The following MAP2K5 variants were observed in gnomAD, a reference collection of about 807,000 sequenced individuals.
The protein encoded by MAP2K5 is mitogen-activated protein kinase kinase 5.
In MAP2K5, 49 loss-of-function variants were observed where a neutral mutation model predicts 83.1. The ratio of observed to expected loss-of-function variants is 0.59; its 90% confidence interval spans 0.47 to 0.75. The LOEUF (loss-of-function observed/expected upper bound fraction) is 0.75. Among genes scored for constraint, MAP2K5 ranks in the 30% least tolerant of loss-of-function variants. MAP2K5 has a pLI of 0.00. For missense variants in MAP2K5, 457 were observed against 557.5 expected, an observed-to-expected ratio of 0.82 and a Z score of 1.82; for synonymous variants, 202 against 191.8, an observed-to-expected ratio of 1.05 and a Z score of -0.44.
chr15:67,621,619 C>T (rs960125469), intron 8 of MAP2K5, among the ~76,000 whole-genome samples: 7 of 151,946 alleles, frequency 4.6e-5, no homozygotes, highest in African/African-American at 1.7e-4. Flanking sequence ...TAATAGGATC[C>T]AGTGAATAAC....
In MAP2K5 at chr15:67,748,741, G is replaced by A. The variant is rs1753295221; in HGVS notation, c.1134+140G>A. On this transcript the variant is annotated intron_variant, in intron 19 of 21. Coordinates refer to ENST00000178640, the MANE Select transcript of MAP2K5 (RefSeq NM_145160.3). The surrounding 1 kb of genome is among the most constrained non-coding windows in gnomAD (Gnocchi z 4.0). The stretch of plus-strand genomic sequence containing the variant: ...TGTATGGCTCTGAGCTATGTTACGT[G>A]AACTGGCCTTGTCCTGAATCCCACT... The A allele has an allele frequency of 8.6e-6, 6 of 696,914 alleles. No homozygotes were observed. Among genetic ancestry groups the A allele is most frequent in the Non-Finnish European group, 1.4e-5 (6 of 417,644 alleles). The allele number at this position is 696,914 out of a possible 1,614,324, so 43.2% of individuals were successfully genotyped here.
Position 67,644,942 on chromosome 15 carries a change from G to T in MAP2K5, c.586-1289G>T, listed in dbSNP as rs2086796689. On this transcript the variant is annotated intron_variant, in intron 9 of 21. Transcript: ENST00000178640. This position sits in a 1 kb window ranked among gnomAD's most constrained non-coding sequence, Gnocchi z 4.6. ...GGTGAGCGGATCATTGAGGTCAGGA[G>T]TTCAAGACCAGCCTGGCCAACATGG... Among the ~76,000 whole-genome samples the T allele has an allele frequency of 6.6e-6, 1 of 151,996 alleles. No homozygotes were observed. Among genetic ancestry groups the T allele is most frequent in the Non-Finnish European group, 1.5e-5 (1 of 67,998 alleles).
rs753264118 is a variant in MAP2K5, at chr15:67,778,314, C to T, written c.1242+5562C>T. Among the ~76,000 whole-genome samples, 24 of 152,176 alleles carry T rather than the reference C, an allele frequency of 1.6e-4. No homozygotes were observed. Among genetic ancestry groups the T allele is most frequent in the South Asian group, 4.1e-4 (2 of 4,830 alleles). On this transcript the variant is annotated intron_variant, in intron 21 of 21. Transcript: ENST00000178640. This position sits in a 1 kb window ranked among gnomAD's most constrained non-coding sequence, Gnocchi z 5.0. ...AGGTATATGATAAATTGCACATCTG[C>T]GTGGTCCCTTTAAAAATCAGGGTAA...
At chr15:67,697,406 A>T (rs2088293610) in intron 15 of MAP2K5, among the ~76,000 whole-genome samples, 1 of 152,238 alleles carries the variant, frequency 6.6e-6, no homozygotes, top group Non-Finnish European at 1.5e-5. Context: ...TAAGTGACTT[A>T]CCCAAGTTCA....
chr15:67,569,332 C>T (rs555409903), intron 3 of MAP2K5, among the ~76,000 whole-genome samples: 2 of 152,272 alleles, frequency 1.3e-5, no homozygotes, highest in East Asian at 3.9e-4. Flanking sequence ...TTTATCCAAA[C>T]AACTGATTAC....
chr15:67,629,676 A>T (rs1466869266), intron 8 of MAP2K5, among the ~76,000 whole-genome samples: 1 of 95,978 alleles, frequency 1.0e-5, no homozygotes, highest in African/African-American at 3.7e-5. Flanking sequence ...CATTTTCCCT[A>T]TGCCATTCCT....
intron 16 of MAP2K5, among the ~76,000 whole-genome samples, chr15:67,714,952 T>G (rs1288020749): frequency 2.0e-5 from 3 of 152,204 alleles, no homozygotes; most frequent in Non-Finnish European, 4.4e-5. Flanking sequence ...AGTCTCCTGA[T>G]CCAACTAGTG....
At chr15:67,639,767 C>T (rs1435085409) in intron 9 of MAP2K5, among the ~76,000 whole-genome samples, 2 of 152,234 alleles carry the variant, frequency 1.3e-5, no homozygotes, top group East Asian at 1.9e-4. Flanking sequence ...TTAAGTTGAA[C>T]TCGTTGCCTT....
Position 67,703,399 on chromosome 15 carries a change from T to G in MAP2K5, c.1035T>G (p.Ser345=), listed in dbSNP as rs374677476. 26 of 1,613,230 alleles carry G rather than the reference T, an allele frequency of 1.6e-5. No homozygotes were observed. Among genetic ancestry groups the G allele is most frequent in the African/African-American group, 1.1e-4 (8 of 75,024 alleles). Residue 345 remains serine, a synonymous_variant, in exon 16 of 22, where the codon TCT becomes TCG. Transcript: ENST00000178640. Reference sequence around the variant, plus strand: ...CTGATGTCTGGAGCTTAGGAATCTCTTTTATGGAGGTACGTTGTTTGCACA... The same window carrying G: ...CTGATGTCTGGAGCTTAGGAATCTCGTTTATGGAGGTACGTTGTTTGCACA... ...IHSDVWSLGI[S]FMELALGRFP... is the part of the protein sequence containing the mutation.
intron 13 of MAP2K5, among the ~76,000 whole-genome samples, chr15:67,686,769 A>G (rs1223114639): frequency 6.6e-6 from 1 of 152,220 alleles, no homozygotes. Context: ...AAACTTTTAC[A>G]CAGCAAACTT....
chr15:67,765,990 C>G (rs146418531), intron 19 of MAP2K5, among the ~76,000 whole-genome samples: 10 of 152,312 alleles, frequency 6.6e-5, no homozygotes, highest in Admixed American at 6.5e-4. Flanking sequence ...AGGCATCACT[C>G]AAACTTTTTC....
In MAP2K5 at chr15:67,775,317, T is replaced by G. The variant is rs900773837; in HGVS notation, c.1242+2565T>G. On this transcript the variant is annotated intron_variant, in intron 21 of 21. Coordinates refer to ENST00000178640, the MANE Select transcript of MAP2K5 (RefSeq NM_145160.3). This position sits in a 1 kb window ranked among gnomAD's most constrained non-coding sequence, Gnocchi z 5.3. Reference sequence around the variant, plus strand: ...TGGTTGTTCTTATGATGGTTTTCGGTCTTTATATCCTAAGTGGAAGTATTT... The same window carrying G: ...TGGTTGTTCTTATGATGGTTTTCGGGCTTTATATCCTAAGTGGAAGTATTT... Among the ~76,000 whole-genome samples the G allele has an allele frequency of 6.6e-6, 1 of 152,226 alleles. No individual in the cohort carries two copies. The highest frequency in any genetic ancestry group is 1.5e-5 in the Non-Finnish European group (1 of 68,034).
At chr15:67,723,503 T>A (rs2089017587) in intron 16 of MAP2K5, among the ~76,000 whole-genome samples, 2 of 152,202 alleles carry the variant, frequency 1.3e-5, no homozygotes, top group African/African-American at 4.8e-5. Context: ...GCCTTTTACA[T>A]AATAAACGTC....
chr15:67,682,755 C>A (rs1478941054), intron 13 of MAP2K5, among the ~76,000 whole-genome samples: 7 of 151,410 alleles, frequency 4.6e-5, no homozygotes, highest in African/African-American at 7.3e-5. Flanking sequence ...ATGGTGTGAA[C>A]CCAGGAGGCA....
chr15:67,710,653 G>A (rs2088669286), intron 16 of MAP2K5, among the ~76,000 whole-genome samples: 2 of 151,980 alleles, frequency 1.3e-5, no homozygotes, highest in African/African-American at 2.4e-5. Flanking sequence ...ACAGGCATGC[G>A]CCACCACGCC....
chr15:67,667,474 G>A (rs978551646), intron 13 of MAP2K5, among the ~76,000 whole-genome samples: 2 of 152,046 alleles, frequency 1.3e-5, no homozygotes, highest in Non-Finnish European at 2.9e-5. Context: ...TCAAAAACAG[G>A]GGTCCTTCTG....
intron 13 of MAP2K5, among the ~76,000 whole-genome samples, chr15:67,672,446 G>A (rs1473937516): frequency 1.3e-5 from 2 of 151,908 alleles, no homozygotes; most frequent in East Asian, 3.9e-4. Flanking sequence ...TTTTTTGGCT[G>A]CATAAATGTC....
chr15:67,669,658 A>T (rs1277810985), intron 13 of MAP2K5, among the ~76,000 whole-genome samples: 2 of 152,104 alleles, frequency 1.3e-5, no homozygotes, highest in Non-Finnish European at 2.9e-5. Context: ...ATATATTTTA[A>T]ATGTATAGTT....
intron 13 of MAP2K5, among the ~76,000 whole-genome samples, chr15:67,680,306 T>C (rs1254415271): frequency 1.3e-5 from 2 of 152,256 alleles, no homozygotes; most frequent in Non-Finnish European, 2.9e-5. Context: ...TATGTGGTTC[T>C]GTATTTTCAT....
Sources: allele counts gnomAD v4.1 joint callset (sites outside exome capture counted in the v4.1 genomes callset), GRCh38; gene constraint gnomAD v4.1.1; non-coding constraint Gnocchi (gnomAD v3.1); transcripts MANE v1.5; gene names NCBI Gene and HGNC (gene_info 2026-07-23, HGNC 2026-07-21).